Variants in MYO3A observed in about 807,000 individuals in gnomAD.
MYO3A encodes the protein myosin IIIA.
MYO3A carries 180 observed loss-of-function variants against 192.7 expected under a neutral mutation model. That is an observed-to-expected ratio of 0.93 (90% CI 0.83 to 1.06). MYO3A has a LOEUF of 1.06. MYO3A is among the 50% of genes least tolerant of loss of function. MYO3A has a pLI of 0.00. For synonymous variants in MYO3A, 628 were observed against 645.3 expected (o/e 0.97, Z 0.41); for missense variants, 1,896 against 1,905.0 (o/e 1.00, Z 0.09).
intron 6 of MYO3A, among the ~76,000 whole-genome samples, chr10:26,003,694 GAA>G (rs1352147971): frequency 6.6e-6 from 1 of 152,054 alleles, no homozygotes; most frequent in East Asian, 1.9e-4. Context: ...TCTTTATCTT[GAA>G]TAGAAAATGA....
chr10:26,139,784 C>A (rs1204758908), intron 20 of MYO3A, among the ~76,000 whole-genome samples: 3 of 152,008 alleles, frequency 2.0e-5, no homozygotes, highest in African/African-American at 7.2e-5. Flanking sequence ...CCCAGCTACT[C>A]TAGAGGCCAA....
At chr10:26,054,088 G>T (rs546880408) in intron 10 of MYO3A, among the ~76,000 whole-genome samples, 1 of 152,302 alleles carries the variant, frequency 6.6e-6, no homozygotes, top group South Asian at 2.1e-4. Context: ...AGGAGATACG[G>T]TGGGAGAAGC....
chr10:26,077,587 G>A (rs1835672504), intron 14 of MYO3A, among the ~76,000 whole-genome samples: 4 of 152,074 alleles, frequency 2.6e-5, no homozygotes, highest in South Asian at 4.2e-4. Flanking sequence ...TTCTCAGAGG[G>A]AATGCTTTCA....
At chr10:26,101,722 G>A (rs913320357) in intron 17 of MYO3A, among the ~76,000 whole-genome samples, 1 of 152,194 alleles carries the variant, frequency 6.6e-6, no homozygotes, top group African/African-American at 2.4e-5. Flanking sequence ...TTGAATATTG[G>A]CCCCCACTCT....
chr10:25,946,661 C>T (rs985570088), intron 2 of MYO3A, among the ~76,000 whole-genome samples: 4 of 151,326 alleles, frequency 2.6e-5, no homozygotes, highest in African/African-American at 7.3e-5. Context: ...GGGTGGATCA[C>T]GAGGTCAGGA....
chr10:26,056,653 G>A (rs572659960), intron 10 of MYO3A, among the ~76,000 whole-genome samples: 56 of 149,034 alleles, frequency 3.8e-4, no homozygotes, highest in South Asian at 3.1e-3. Context: ...CATTATTACT[G>A]AGAAATACAG....
chr10:25,949,364 A>G (rs907347143), intron 2 of MYO3A, among the ~76,000 whole-genome samples: 4 of 152,118 alleles, frequency 2.6e-5, no homozygotes, highest in African/African-American at 9.6e-5. Context: ...GCAGTATTCC[A>G]TGTAATGAAT....
chr10:26,011,298 G>A (rs78460408), intron 6 of MYO3A, among the ~76,000 whole-genome samples: 1,720 of 152,178 alleles, frequency 0.011, 37 homozygotes, highest in African/African-American at 0.037. Context: ...GCCGGGTGTG[G>A]TAGTGTGCGC....
chr10:26,021,686 G>A (rs747634428), intron 8 of MYO3A, 38 bp downstream of exon 8: 15 of 1,611,626 alleles, frequency 9.3e-6, no homozygotes, highest in Non-Finnish European at 1.2e-5. Flanking sequence ...TCTGCAGCCC[G>A]ATTTACTTCC....
At chr10:26,083,600 C>G (rs966175813) in intron 14 of MYO3A, among the ~76,000 whole-genome samples, 1 of 152,166 alleles carries the variant, frequency 6.6e-6, no homozygotes, top group African/African-American at 2.4e-5. Flanking sequence ...TTTAGTTTCT[C>G]CTCATTGATT....
intron 4 of MYO3A, among the ~76,000 whole-genome samples, chr10:25,986,479 C>CCTAGAACTGGTA (rs1839661359): frequency 2.0e-5 from 3 of 152,144 alleles, no homozygotes. Flanking sequence ...CCGAAAAGCT[C>CCTAGAACTGGTA]CTAGAACTGG....
chr10:26,039,021 TTTTGTTTG>T (rs138198989), intron 10 of MYO3A, among the ~76,000 whole-genome samples: 25,011 of 150,568 alleles, frequency 0.17, 2,331 homozygotes, highest in Non-Finnish European at 0.21. Context: ...ATGAATGAGT[TTTTGTTTG>T]TTTGTTTGTT....
chr10:26,205,498 A>G (rs1020777444), intron 34 of MYO3A, among the ~76,000 whole-genome samples: 4 of 133,592 alleles, frequency 3.0e-5, no homozygotes, highest in African/African-American at 8.8e-5. Flanking sequence ...GCTTCCATGT[A>G]TAAGTGAGAT....
chr10:26,113,279 T>C (rs959916109), intron 17 of MYO3A, among the ~76,000 whole-genome samples: 2 of 152,004 alleles, frequency 1.3e-5, no homozygotes, highest in African/African-American at 4.8e-5. Context: ...GAGACCGGCC[T>C]GGGCAAACAG....
At chr10:26,035,543 A>G (rs1257355591) in intron 10 of MYO3A, among the ~76,000 whole-genome samples, 2 of 152,192 alleles carry the variant, frequency 1.3e-5, no homozygotes, top group Admixed American at 6.5e-5. Flanking sequence ...TGTCTTTATC[A>G]TACCACTTTC....
At chr10:26,199,081 T>C (rs1843554068) in intron 32 of MYO3A, among the ~76,000 whole-genome samples, 1 of 152,208 alleles carries the variant, frequency 6.6e-6, no homozygotes, top group Non-Finnish European at 1.5e-5. Context: ...TAGCCCCAGC[T>C]GTTAGGAAAC....
At position 26,157,362 on chromosome 10, in the gene MYO3A, T is replaced by C; in HGVS notation, c.2846T>C (p.Val949Ala). The C allele has an allele frequency of 6.2e-7, 1 of 1,614,160 alleles. No homozygotes were observed. The highest frequency in any genetic ancestry group is 1.6e-4 in the Middle Eastern group (1 of 6,062). ...ATGGTGGTGGGCCAACCTCATTTTG[T>C]CCGTTGCATCAAACCAAATAGTGAG... The part of the protein sequence containing the change: ...SKMVVGQPHF[V>A]RCIKPNSERQ... The change falls in exon 26 of 35, where the codon GTC becomes GCC. Residue 949 changes from valine (V) to alanine (A), a missense_variant. Coordinates refer to ENST00000642920, the MANE Select transcript of MYO3A (RefSeq NM_017433.5).
At chr10:25,943,380 T>G (rs1202425146) in intron 2 of MYO3A, among the ~76,000 whole-genome samples, 1 of 152,078 alleles carries the variant, frequency 6.6e-6, no homozygotes, top group Non-Finnish European at 1.5e-5. Flanking sequence ...AGATTCCATA[T>G]GAGTTTTAGG....
At chr10:26,130,619 T>G (rs935949985) in intron 20 of MYO3A, among the ~76,000 whole-genome samples, 10 of 152,210 alleles carry the variant, frequency 6.6e-5, no homozygotes, top group African/African-American at 2.4e-4. Flanking sequence ...TTTGAGGAAT[T>G]AAAACAATTT....
Sources: allele counts gnomAD v4.1 joint callset (sites outside exome capture counted in the v4.1 genomes callset), GRCh38; gene constraint gnomAD v4.1.1; transcripts MANE v1.5; gene names NCBI Gene and HGNC (gene_info 2026-07-23, HGNC 2026-07-21).